Variants in OR51B5 observed in about 807,000 individuals in gnomAD.
The protein encoded by OR51B5 is olfactory receptor family 51 subfamily B member 5, also known as olfactory receptor 51B5.
For missense variants in OR51B5, 456 were observed against 374.6 expected (o/e 1.22, Z -1.79); for synonymous variants, 186 against 144.8 (o/e 1.28, Z -2.04).
At chr11:5,430,114 A>G (rs1290251345) in intron 1 of OR51B5, among the ~76,000 whole-genome samples, 2 of 152,238 alleles carry the variant, frequency 1.3e-5, no homozygotes, top group South Asian at 2.1e-4. Flanking sequence ...AGAGTAAAAG[A>G]AGGTAACATT....
At chr11:5,394,170 CA>C (rs1336725892) in intron 1 of OR51B5, among the ~76,000 whole-genome samples, 1 of 151,944 alleles carries the variant, frequency 6.6e-6, no homozygotes, top group African/African-American at 2.4e-5. Flanking sequence ...TTTTTAAGCA[CA>C]TATTATAACC....
intron 1 of OR51B5, among the ~76,000 whole-genome samples, chr11:5,419,800 T>C (rs1380348178): frequency 1.3e-5 from 2 of 152,040 alleles, no homozygotes; most frequent in Non-Finnish European, 2.9e-5. Context: ...ACAATGGGCA[T>C]GATAATAGCT....
intron 1 of OR51B5, among the ~76,000 whole-genome samples, chr11:5,424,814 T>G (rs74723953): frequency 0.13 from 9,049 of 68,176 alleles, 1,005 homozygotes; most frequent in Non-Finnish European, 0.17. Flanking sequence ...ACCCCATCTC[T>G]ACTAAAAAAT....
chr11:5,504,753 A>C (rs1846348588), intron 1 of OR51B5, among the ~76,000 whole-genome samples: 1 of 152,112 alleles, frequency 6.6e-6, no homozygotes, highest in Non-Finnish European at 1.5e-5. Context: ...CTGATTGCAC[A>C]CTTTCCACGT....
rs185855506 is a variant in OR51B5, at chr11:5,394,768, G to T, written n.85-47858C>A. Among the ~76,000 whole-genome samples the T allele has an allele frequency of 5.9e-5, 9 of 152,280 alleles. No homozygotes were observed. In the South Asian group the frequency reaches 1.9e-3, roughly 32 times the overall value. The stretch of plus-strand genomic sequence containing the variant: ...GAAGCCTGTTTTTGCTTCATCAGGG[G>T]ACGTTAGTTTTTTTCACATCAACCT... On this transcript the variant is annotated intron_variant and non_coding_transcript_variant, in intron 1 of 4. Coordinates refer to the OR51B5 transcript ENST00000415970.
chr11:5,467,835 C>T (rs767343076), intron 1 of OR51B5, among the ~76,000 whole-genome samples: 6 of 152,174 alleles, frequency 3.9e-5, no homozygotes, highest in Non-Finnish European at 8.8e-5. Context: ...TGTTAGGCTT[C>T]GATTTGGAGT....
intron 1 of OR51B5, among the ~76,000 whole-genome samples, chr11:5,415,538 TAAAG>T (rs956435555): frequency 3.3e-5 from 5 of 150,968 alleles, no homozygotes; most frequent in African/African-American, 1.2e-4. Flanking sequence ...GCAAGACTAA[TAAAG>T]AAAAAAAGAG....
intron 1 of OR51B5, among the ~76,000 whole-genome samples, chr11:5,395,309 T>A (rs974353140): frequency 1.3e-5 from 2 of 152,164 alleles, no homozygotes; most frequent in African/African-American, 4.8e-5. Flanking sequence ...AAGGGCTGCA[T>A]GAGAAAGAAG....
intron 1 of OR51B5, among the ~76,000 whole-genome samples, chr11:5,487,159 T>G (rs577341128): frequency 4.5e-4 from 68 of 152,318 alleles, no homozygotes; most frequent in African/African-American, 1.6e-3. Flanking sequence ...CCTCGTGATC[T>G]AAATTATATC....
At chr11:5,413,595 G>A (rs936199702) in intron 1 of OR51B5, among the ~76,000 whole-genome samples, 3 of 152,194 alleles carry the variant, frequency 2.0e-5, no homozygotes, top group African/African-American at 7.2e-5. Context: ...TAAAGGAGCT[G>A]ATGGAGCTGA....
At chr11:5,419,767 C>T (rs184419196) in intron 1 of OR51B5, among the ~76,000 whole-genome samples, 12 of 152,044 alleles carry the variant, frequency 7.9e-5, no homozygotes, top group Admixed American at 5.2e-4. Flanking sequence ...AGGGACATAA[C>T]CTCTTTAAAT....
chr11:5,453,909 A>G, intron 1 of OR51B5: 3 of 1,614,194 alleles, frequency 1.9e-6, no homozygotes, highest in Non-Finnish European at 1.7e-6. Flanking sequence ...CACTGAAGTC[A>G]TTGCTGCAAT....
upstream of OR51B5, among the ~76,000 whole-genome samples, chr11:5,344,583 T>C (rs1182484075): frequency 2.0e-5 from 3 of 151,944 alleles, no homozygotes; most frequent in African/African-American, 7.2e-5. Flanking sequence ...TAATATTCCT[T>C]CTGCCACTAG....
In OR51B5 at chr11:5,413,567, C is replaced by A. The variant is rs561507423; in HGVS notation, n.85-66657G>T. On this transcript the variant is annotated intron_variant and non_coding_transcript_variant, in intron 1 of 4. Coordinates refer to the OR51B5 transcript ENST00000415970. Reference sequence around the variant, plus strand: ...TTAGATGAATGTATAACTAGAATAACCAATACAGAGAAGTGCTTAAAGGAG... The same window carrying A: ...TTAGATGAATGTATAACTAGAATAAACAATACAGAGAAGTGCTTAAAGGAG... 2.6e-5 allele frequency among the ~76,000 whole-genome samples: 4 copies of A among 152,078 alleles called. No individual in the cohort carries two copies. The South Asian group carries it at 8.3e-4, about 32-fold the overall frequency.
chr11:5,412,534 T>C (rs1035451761), intron 1 of OR51B5, among the ~76,000 whole-genome samples: 3 of 152,308 alleles, frequency 2.0e-5, no homozygotes, highest in Non-Finnish European at 4.4e-5. Flanking sequence ...TTCCCTTTCC[T>C]AGTCAAAGAA....
intron 1 of OR51B5, among the ~76,000 whole-genome samples, chr11:5,419,202 A>T (rs34801068): frequency 0.035 from 5,288 of 152,274 alleles, 160 homozygotes; most frequent in Non-Finnish European, 0.046. Flanking sequence ...GACATCCCAA[A>T]ATCATGATGA....
intron 1 of OR51B5, among the ~76,000 whole-genome samples, chr11:5,503,061 C>T (rs1306728049): frequency 6.6e-6 from 1 of 152,144 alleles, no homozygotes; most frequent in African/African-American, 2.4e-5. Context: ...ACAGTACAAT[C>T]ATAGTTGTAT....
chr11:5,369,281 G>A (rs952283878), intron 1 of OR51B5, among the ~76,000 whole-genome samples: 5 of 152,050 alleles, frequency 3.3e-5, no homozygotes, highest in African/African-American at 1.2e-4. Context: ...ATGTGTGTGG[G>A]GTAGTAGAAA....
At chr11:5,454,111 G>T (rs1249208716) in intron 1 of OR51B5, 8 of 1,614,056 alleles carry the variant, frequency 5.0e-6, no homozygotes, top group Non-Finnish European at 6.8e-6. Context: ...TCCACCTTTG[G>T]CATGGACCTG....
Sources: allele counts gnomAD v4.1 joint callset (sites outside exome capture counted in the v4.1 genomes callset), GRCh38; gene constraint gnomAD v4.1.1; transcripts MANE v1.5; gene names NCBI Gene and HGNC (gene_info 2026-07-23, HGNC 2026-07-21).